EDEM3: variants seen among roughly 807,000 people sequenced by gnomAD.
The protein encoded by EDEM3 is ER degradation enhancing alpha-mannosidase like protein 3.
EDEM3 carries 60 observed loss-of-function variants against 110.2 expected under a neutral mutation model. The observed-to-expected ratio is 0.54, with a 90% CI of 0.44 to 0.67. EDEM3 has a LOEUF of 0.67. EDEM3 is among the 30% of genes least tolerant of loss of function. EDEM3 has a pLI of 0.00. For missense variants in EDEM3, 996 were observed against 1,121.0 expected (o/e 0.89, Z 1.59); for synonymous variants, 352 against 382.9 (o/e 0.92, Z 0.94).
chr1:184,709,014 T>A (rs1460375609), intron 16 of EDEM3, among the ~76,000 whole-genome samples: 2 of 152,030 alleles, frequency 1.3e-5, no homozygotes, highest in Non-Finnish European at 2.9e-5. Flanking sequence ...TTCCTGATAC[T>A]TTACAGGAAA....
chr1:184,741,604 A>G (rs1379556688), intron 2 of EDEM3, among the ~76,000 whole-genome samples: 3 of 152,190 alleles, frequency 2.0e-5, no homozygotes, highest in Non-Finnish European at 2.9e-5. Context: ...GTCTGGAACC[A>G]TAATTCCCCA....
intron 2 of EDEM3, 67 bp downstream of exon 2, chr1:184,749,480 C>T: frequency 8.2e-7 from 1 of 1,219,982 alleles, no homozygotes; most frequent in Non-Finnish European, 1.1e-6. Context: ...TCAAAATTCC[C>T]AGTTGACTGT....
intron 7 of EDEM3, among the ~76,000 whole-genome samples, chr1:184,725,164 C>A (rs778824193): frequency 6.6e-6 from 1 of 152,064 alleles, no homozygotes; most frequent in African/African-American, 2.4e-5. Context: ...CAAATTACTG[C>A]GTATTCAAGA....
At chr1:184,695,116 T>TA in intron 19 of EDEM3, among the ~76,000 whole-genome samples, 1 of 152,106 alleles carries the variant, frequency 6.6e-6, no homozygotes, top group East Asian at 1.9e-4. Context: ...AAGAGTGAGT[T>TA]AAACCTCTTA....
rs751788709 is a variant in EDEM3, at chr1:184,711,830, A to G, written c.1584T>C (p.Cys528=). Residue 528 remains cysteine (C), a synonymous_variant, in exon 15 of 20, where the codon TGT becomes TGC. Coordinates refer to ENST00000318130, the MANE Select transcript of EDEM3 (RefSeq NM_025191.4). ...ELDDSNFDWT[C]PNTQILFPND... ...TAGGAAAGAGGATCTGAGTATTTGG[A>G]CAAGTCCAATCGAAGTTACTGTCAT... 1 of 1,613,386 alleles carries G rather than the reference A, an allele frequency of 6.2e-7. No individual in the cohort carries two copies. The highest frequency in any genetic ancestry group is 8.5e-7 in the Non-Finnish European group (1 of 1,179,556).
chr1:184,710,670 T>G, intron 15 of EDEM3, 123 bp from the exon 16 acceptor site: 1 of 1,122,120 alleles, frequency 8.9e-7, no homozygotes, highest in East Asian at 2.6e-5. Context: ...GAAACTGGAA[T>G]AACTAGAAAG....
At chr1:184,731,313 C>A (rs1651504551) in intron 6 of EDEM3, among the ~76,000 whole-genome samples, 1 of 152,170 alleles carries the variant, frequency 6.6e-6, no homozygotes, top group South Asian at 2.1e-4. Context: ...ACCAATAAAA[C>A]TCCTTCAACT....
intron 1 of EDEM3, among the ~76,000 whole-genome samples, chr1:184,752,365 G>A (rs929299972): frequency 2.0e-5 from 3 of 152,058 alleles, no homozygotes; most frequent in Non-Finnish European, 4.4e-5. Flanking sequence ...CATTATTTGG[G>A]CTTTAAAAAA....
rs1204229350 is a variant in EDEM3, at chr1:184,737,730, TA to T, written c.205-20del. 3 of 1,605,046 alleles carry T rather than the reference TA, an allele frequency of 1.9e-6. No individual in the cohort carries two copies. The Admixed American group carries it at 5.0e-5, about 27-fold the overall frequency. On this transcript the variant is annotated intron_variant, in intron 2 of 19. Coordinates refer to ENST00000318130, the MANE Select transcript of EDEM3 (RefSeq NM_025191.4). ...CATGTTCCTGCAAGGAAAACTTTAG[TA>T]AGTTACTAAGGAAAATAAGCGAAAG... is the stretch of plus-strand genomic sequence containing the variant.
Position 184,690,742 on chromosome 1 carries a change from T to C in EDEM3, c.*3321A>G, listed in dbSNP as rs1649026656. On this transcript the variant is annotated 3_prime_UTR_variant, in exon 20 of 20. Transcript: ENST00000318130. ...TCATAAGAAAATATACGGCTGTAAA[T>C]TGGGCTTTTAAAAATGTCTTTTATA... 1 of 152,544 alleles carries C rather than the reference T, an allele frequency of 6.6e-6. No individual in the cohort carries two copies. The highest frequency in any genetic ancestry group is 6.5e-5 in the Admixed American group (1 of 15,268). The allele number at this position is 152,544 out of a possible 1,614,324, so 9.4% of individuals were successfully genotyped here.
chr1:184,751,007 A>C (rs1346076886), intron 1 of EDEM3, among the ~76,000 whole-genome samples: 2 of 152,052 alleles, frequency 1.3e-5, no homozygotes, highest in Non-Finnish European at 2.9e-5. Flanking sequence ...CCAGATCCTG[A>C]CTATGAACAC....
chr1:184,742,653 T>A (rs1652207465), intron 2 of EDEM3, among the ~76,000 whole-genome samples: 1 of 152,206 alleles, frequency 6.6e-6, no homozygotes, highest in Admixed American at 6.5e-5. Context: ...CCTCCCAAAG[T>A]GTTGGGATTA....
In EDEM3 at chr1:184,731,131, C is replaced by T. The variant is rs115901242; in HGVS notation, c.612+1706G>A. On this transcript the variant is annotated intron_variant, in intron 6 of 19. Transcript: ENST00000318130. ...ACCAAGAGAGAAAGAATAAGACAGGCATAAGAAAAGAAAAAAACTGACAGA... is the reference window on the plus strand; with the variant it reads ...ACCAAGAGAGAAAGAATAAGACAGGTATAAGAAAAGAAAAAAACTGACAGA... 2.9e-3 allele frequency among the ~76,000 whole-genome samples: 435 copies of T among 152,044 alleles called. 5 individuals carry two copies. In the East Asian group the frequency reaches 0.036, roughly 13 times the overall value.
In EDEM3 at chr1:184,691,389, T is replaced by C. The variant is rs1649056803; in HGVS notation, c.*2674A>G. 1 of 152,564 alleles carries C rather than the reference T, an allele frequency of 6.6e-6. No homozygotes were observed. Among genetic ancestry groups the C allele is most frequent in the Non-Finnish European group, 1.5e-5 (1 of 67,984 alleles). The allele number at this position is 152,564 out of a possible 1,614,324, so 9.5% of individuals were successfully genotyped here. On this transcript the variant is annotated 3_prime_UTR_variant, in exon 20 of 20. Coordinates refer to ENST00000318130, the MANE Select transcript of EDEM3 (RefSeq NM_025191.4). ...AAATACCTGAATTAAATACTTGCTC[T>C]AATATCTCTTAAAGGATTTCAGCTA...
At chr1:184,731,149 C>G (rs1342487738) in intron 6 of EDEM3, among the ~76,000 whole-genome samples, 1 of 152,160 alleles carries the variant, frequency 6.6e-6, no homozygotes, top group African/African-American at 2.4e-5. Flanking sequence ...AAGAAAAAAA[C>G]TGACAGAGCT....
chr1:184,701,529 C>T (rs1649621114), intron 19 of EDEM3: 2 of 1,281,902 alleles, frequency 1.6e-6, no homozygotes, highest in South Asian at 2.5e-5. Flanking sequence ...AATCATTTTA[C>T]CTTTTAATAT....
chr1:184,754,847 G>T lies in EDEM3; in HGVS notation c.-201C>A. 1.2e-6 allele frequency: 1 copy of T among 830,916 alleles called. No individual in the cohort carries two copies. The allele number at this position is 830,916 out of a possible 1,614,324, so 51.5% of individuals were successfully genotyped here. A position where few individuals can be genotyped will look rare whatever the true frequency, so the allele number is the denominator to read the frequency against. On this transcript the variant is annotated 5_prime_UTR_variant, in exon 1 of 20. The change creates a new upstream start codon in the 5' untranslated region. Coordinates refer to ENST00000318130, the MANE Select transcript of EDEM3 (RefSeq NM_025191.4). ...GCGCTGCCACCGCCCTCCGCCCTCA[G>T]TATCCCGGAGCGCCTCCCCCAGCTT...
At chr1:184,703,851 AG>A (rs1383389156) in intron 18 of EDEM3, among the ~76,000 whole-genome samples, 7 of 152,320 alleles carry the variant, frequency 4.6e-5, no homozygotes, top group African/African-American at 9.6e-5. Flanking sequence ...TTCAGTTAGC[AG>A]GGGGTAATAG....
chr1:184,736,567 GA>G (rs1651835225), intron 4 of EDEM3, among the ~76,000 whole-genome samples: 1 of 152,092 alleles, frequency 6.6e-6, no homozygotes, highest in Admixed American at 6.6e-5. Flanking sequence ...ATATGAGGTT[GA>G]AAAGGAGTAC....
Sources: allele counts gnomAD v4.1 joint callset (sites outside exome capture counted in the v4.1 genomes callset), GRCh38; gene constraint gnomAD v4.1.1; transcripts MANE v1.5; gene names NCBI Gene and HGNC (gene_info 2026-07-23, HGNC 2026-07-21).